RBMS1: variants seen among roughly 807,000 people sequenced by gnomAD.
RBMS1 encodes RNA binding motif single stranded interacting protein 1.
A neutral mutation model predicts 62.3 loss-of-function variants in RBMS1; 17 were observed. That is an observed-to-expected ratio of 0.27 (90% CI 0.19 to 0.41). The LOEUF (loss-of-function observed/expected upper bound fraction) is 0.41, where lower values mean the gene tolerates loss of function less well. RBMS1 is among the 10% of genes least tolerant of loss of function. RBMS1 has a pLI of 1.00. For missense variants in RBMS1, 334 were observed against 504.5 expected (o/e 0.66, Z 3.24); for synonymous variants, 172 against 170.0 (o/e 1.01, Z -0.09).
At chr2:160,480,560 C>T (rs1197663423) in intron 1 of RBMS1, among the ~76,000 whole-genome samples, 1 of 152,040 alleles carries the variant, frequency 6.6e-6, no homozygotes, top group Non-Finnish European at 1.5e-5. Context: ...GGGGTAAATT[C>T]ATAAATAAAT....
At chr2:160,359,692 T>C (rs569605518) in intron 2 of RBMS1, among the ~76,000 whole-genome samples, 1 of 152,234 alleles carries the variant, frequency 6.6e-6, no homozygotes, top group African/African-American at 2.4e-5. Context: ...TAAAAGCTGA[T>C]TAAGCATCAA....
At chr2:160,311,210 A>AATCTCTCTCTCTCTCTC (rs1407068145) in intron 4 of RBMS1, among the ~76,000 whole-genome samples, 12 of 56,610 alleles carry the variant, frequency 2.1e-4, no homozygotes, top group Admixed American at 1.9e-3. Context: ...AAAAAAAAAA[A>AATCTCTCTCTCTCTCTC]TCTATCTATC....
intron 2 of RBMS1, 40 bp from the exon 3 acceptor site, chr2:160,318,267 GAAAGAA>G (rs1690347711): frequency 7.5e-7 from 1 of 1,334,720 alleles, no homozygotes; most frequent in African/African-American, 2.1e-5. Context: ...AAAAAGAAAA[GAAAGAA>G]AAAGAAGTTA....
intron 1 of RBMS1, among the ~76,000 whole-genome samples, chr2:160,403,678 A>T (rs1410409768): frequency 3.3e-5 from 5 of 152,202 alleles, no homozygotes; most frequent in Admixed American, 3.3e-4. Context: ...ATAAACACAC[A>T]CATACACACA....
At chr2:160,352,911 A>G (rs1245247656) in intron 2 of RBMS1, among the ~76,000 whole-genome samples, 3 of 152,128 alleles carry the variant, frequency 2.0e-5, no homozygotes, top group African/African-American at 4.8e-5. Flanking sequence ...GAGGCACGTG[A>G]ATAGCTGTAT....
intron 1 of RBMS1, among the ~76,000 whole-genome samples, chr2:160,387,775 A>G (rs1369876871): frequency 6.6e-6 from 1 of 152,000 alleles, no homozygotes; most frequent in Non-Finnish European, 1.5e-5. Context: ...AAATGCATAC[A>G]CTGCCACCCC....
chr2:160,409,986 T>C (rs1323520634), intron 1 of RBMS1, among the ~76,000 whole-genome samples: 1 of 152,062 alleles, frequency 6.6e-6, no homozygotes, highest in African/African-American at 2.4e-5. Context: ...CCCAGCACTT[T>C]GGTAGGCTGA....
At chr2:160,335,139 T>C (rs547693455) in intron 2 of RBMS1, among the ~76,000 whole-genome samples, 31 of 152,160 alleles carry the variant, frequency 2.0e-4, no homozygotes, top group Non-Finnish European at 2.4e-4. Context: ...CCTGGAGAAA[T>C]GGCATGTGGT....
intron 1 of RBMS1, among the ~76,000 whole-genome samples, chr2:160,404,862 G>A (rs1247951838): frequency 1.3e-5 from 2 of 152,214 alleles, no homozygotes; most frequent in Non-Finnish European, 2.9e-5. Flanking sequence ...GAGATTAGAA[G>A]GGTGATGGGC....
intron 1 of RBMS1, among the ~76,000 whole-genome samples, chr2:160,455,217 C>G (rs1574080851): frequency 6.6e-6 from 1 of 152,164 alleles, no homozygotes; most frequent in East Asian, 1.9e-4. Flanking sequence ...AAAACCTGGC[C>G]TTTTCTACCT....
intron 1 of RBMS1, among the ~76,000 whole-genome samples, chr2:160,459,356 T>G (rs1684372318): frequency 1.3e-5 from 2 of 152,174 alleles, no homozygotes; most frequent in East Asian, 3.8e-4. Context: ...CTTCTAAGAT[T>G]TACATTTAAA....
intron 9 of RBMS1, chr2:160,282,273 C>T (rs750476953): frequency 2.9e-6 from 4 of 1,367,852 alleles, no homozygotes; most frequent in South Asian, 2.3e-5. Flanking sequence ...AGCAGAGCCC[C>T]GATACTTGTT....
intron 1 of RBMS1, among the ~76,000 whole-genome samples, chr2:160,437,563 G>C (rs1340002360): frequency 2.0e-5 from 3 of 152,188 alleles, no homozygotes; most frequent in Non-Finnish European, 4.4e-5. Flanking sequence ...CTTTGTGCCT[G>C]ACAAATGAAT....
Position 160,323,608 on chromosome 2 carries a change from G to GAAAAA in RBMS1, c.252-5382_252-5381insTTTTT, listed in dbSNP as rs1491379305. Among the ~76,000 whole-genome samples the GAAAAA allele has an allele frequency of 9.4e-5, 8 of 84,732 alleles. 1 individual carries two copies. Among genetic ancestry groups the GAAAAA allele is most frequent in the Non-Finnish European group, 7.0e-5 (3 of 43,094 alleles). 55.6% of individuals were successfully genotyped at this position (84,732 alleles called of 152,430 possible). On this transcript the variant is annotated intron_variant, in intron 2 of 13. Transcript: ENST00000348849. ...CAAACAGCATGATGTAGAATTTCAT[G>GAAAAA]AAAGAAAAAAAAAAAAAAAAAAACT...
intron 1 of RBMS1, among the ~76,000 whole-genome samples, chr2:160,425,248 C>T (rs1682501276): frequency 6.6e-6 from 1 of 152,218 alleles, no homozygotes; most frequent in African/African-American, 2.4e-5. Context: ...TAATTTCTTA[C>T]TACTATTACA....
intron 11 of RBMS1, 195 bp downstream of exon 11, chr2:160,278,353 G>A: frequency 1.6e-6 from 1 of 610,138 alleles, no homozygotes; most frequent in South Asian, 1.9e-5. Context: ...GAGATACCCA[G>A]AGAATAGACT....
chr2:160,424,480 C>T (rs1696566534), intron 1 of RBMS1, among the ~76,000 whole-genome samples: 1 of 152,018 alleles, frequency 6.6e-6, no homozygotes, highest in Admixed American at 6.6e-5. Context: ...CGTTTTCTCT[C>T]ATGAGTGAAA....
In RBMS1 at chr2:160,441,921, A is replaced by G. The variant is rs796192984; in HGVS notation, c.75+51368T>C. Among the ~76,000 whole-genome samples, 103 of 152,346 alleles carry G rather than the reference A, an allele frequency of 6.8e-4. 1 individual carries two copies. The highest frequency in any genetic ancestry group is 2.1e-3 in the African/African-American group (88 of 41,592). ...TTTTCCCTGATATCTAATGATGTGA[A>G]GCACCTTTTTCAAGGTTACTAGCCA... On this transcript the variant is annotated intron_variant, in intron 1 of 13. Transcript: ENST00000348849.
chr2:160,331,919 A>G (rs575567718), intron 2 of RBMS1, among the ~76,000 whole-genome samples: 1 of 152,336 alleles, frequency 6.6e-6, no homozygotes, highest in South Asian at 2.1e-4. Context: ...ACCTGGGGAA[A>G]GATGATCACC....
Sources: gnomAD v4.1 joint callset for allele counts (sites outside exome capture counted in the v4.1 genomes callset) on GRCh38, gnomAD v4.1.1 for gene constraint, MANE v1.5 for transcripts, NCBI Gene and HGNC (gene_info 2026-07-23, HGNC 2026-07-21) for gene names.